PTPRN: variants seen among roughly 807,000 people sequenced by gnomAD.
The protein encoded by PTPRN is protein tyrosine phosphatase receptor type N.
Under a neutral mutation model 108.5 loss-of-function variants are expected in PTPRN, and 70 were observed. The ratio of observed to expected loss-of-function variants is 0.65; its 90% CI spans 0.53 to 0.79. The LOEUF (loss-of-function observed/expected upper bound fraction) is 0.79, where lower values mean the gene tolerates loss of function less well. Ranked by LOEUF, PTPRN falls within the 30% of genes least tolerant of loss-of-function variation. The pLI, the probability that PTPRN is intolerant of heterozygous loss-of-function variation, is 0.00. For missense variants in PTPRN, 1,136 were observed against 1,295.5 expected, an observed-to-expected ratio of 0.88 and a Z score of 1.89; for synonymous variants, 496 against 524.6, an observed-to-expected ratio of 0.95 and a Z score of 0.75.
In PTPRN at chr2:219,309,370, C is replaced by A; in HGVS notation, c.-38G>T. The stretch of plus-strand genomic sequence containing the variant: ...CGGGCGCTCGCTCCCGGGCCGGAGC[C>A]GCAGCGACGCTGGCGGGAGCCTGCC... On this transcript the variant is annotated 5_prime_UTR_variant, in exon 1 of 23. Transcript: ENST00000295718. The A allele has an allele frequency of 8.8e-7, 1 of 1,133,222 alleles. No individual in the cohort carries two copies. The highest frequency in any genetic ancestry group is 1.2e-6 in the Non-Finnish European group (1 of 842,378). 70.2% of individuals were successfully genotyped at this position (1,133,222 alleles called of 1,614,324 possible).
Position 219,290,312 on chromosome 2 carries a change from T to C in PTPRN, c.2869-15A>G. The C allele has an allele frequency of 1.2e-6, 2 of 1,605,654 alleles. No homozygotes were observed. The highest frequency in any genetic ancestry group is 1.4e-5 in the African/African-American group (1 of 73,374). On this transcript the variant is annotated splice_polypyrimidine_tract_variant and intron_variant, in intron 22 of 22. Coordinates refer to ENST00000295718, the MANE Select transcript of PTPRN (RefSeq NM_002846.4). The surrounding 1 kb of genome is among the most constrained non-coding windows in gnomAD (Gnocchi z 4.2). ...TCAAACTGGTCCTGAGGAAGGGCAG[T>C]GGTAGGATGGTCATGGAGAGGGCTG...
In PTPRN at chr2:219,290,233, G is replaced by A. The variant is rs375671075; in HGVS notation, c.2933C>T (p.Pro978Leu). ...CCAAGGGGCCCCAGGGTCTCACTGGGGCAGGGCCTTGAGGATGGCATTCAC... is the reference window on the plus strand; with the variant it reads ...CCAAGGGGCCCCAGGGTCTCACTGGAGCAGGGCCTTGAGGATGGCATTCAC... ...EEVNAILKAL[P>L]Q Residue 978 changes from proline to leucine, a missense_variant, in exon 23 of 23, where the codon CCC (proline) becomes CTC (leucine). Coordinates refer to ENST00000295718, the MANE Select transcript of PTPRN (RefSeq NM_002846.4). This position sits in a 1 kb window ranked among gnomAD's most constrained non-coding sequence, Gnocchi z 4.2. 3 of 1,613,912 alleles carry A rather than the reference G, an allele frequency of 1.9e-6. No individual in the cohort carries two copies. Among genetic ancestry groups the A allele is most frequent in the Non-Finnish European group, 2.5e-6 (3 of 1,179,914 alleles).
In PTPRN at chr2:219,296,678, C is replaced by T. The variant is rs755676008; in HGVS notation, c.2310+71G>A. ...GGGTTGGTGGGGTGGCAGGTGACCACGGGGAAATGGAGTGCATAGGGCCAG... is the reference window on the plus strand; with the variant it reads ...GGGTTGGTGGGGTGGCAGGTGACCATGGGGAAATGGAGTGCATAGGGCCAG... On this transcript the variant is annotated intron_variant, in intron 16 of 22. Coordinates refer to ENST00000295718, the MANE Select transcript of PTPRN (RefSeq NM_002846.4). The surrounding 1 kb of genome is among the most constrained non-coding windows in gnomAD (Gnocchi z 6.0). The T allele has an allele frequency of 9.4e-5, 150 of 1,587,926 alleles. No individual in the cohort carries two copies. Among genetic ancestry groups the T allele is most frequent in the Non-Finnish European group, 1.1e-4 (133 of 1,162,584 alleles).
At chr2:219,293,311 G>A (rs866024289) in intron 19 of PTPRN, among the ~76,000 whole-genome samples, 12 of 152,092 alleles carry the variant, frequency 7.9e-5, no homozygotes, top group African/African-American at 2.9e-4. Flanking sequence ...CTCCCGAGTA[G>A]CTGGGAGTAC....
At position 219,299,405 on chromosome 2, in the gene PTPRN, T is replaced by C. The variant is rs1229175003; in HGVS notation, c.1524-21A>G. 1.9e-6 allele frequency: 3 copies of C among 1,611,356 alleles called. No individual in the cohort carries two copies. The African/African-American group carries it at 4.0e-5, about 22-fold the overall frequency. Reference sequence around the variant, plus strand: ...CCACACTGCCAGATAGGAGCTATGTTACTGCCTTCTCCACCCCAGACCGCA... The same window carrying C: ...CCACACTGCCAGATAGGAGCTATGTCACTGCCTTCTCCACCCCAGACCGCA... On this transcript the variant is annotated intron_variant, in intron 10 of 22. Coordinates refer to ENST00000295718, the MANE Select transcript of PTPRN (RefSeq NM_002846.4).
chr2:219,290,737 C>G lies in PTPRN; in HGVS notation c.2794+89G>C. On this transcript the variant is annotated intron_variant, in intron 21 of 22. Coordinates refer to ENST00000295718, the MANE Select transcript of PTPRN (RefSeq NM_002846.4). The surrounding 1 kb of genome is among the most constrained non-coding windows in gnomAD (Gnocchi z 4.2). ...TGGGCAGAGCCTGGAGGTTGACAACCTGCTCCTTCTGAGCTCCCAGGACCC... is the reference window on the plus strand; with the variant it reads ...TGGGCAGAGCCTGGAGGTTGACAACGTGCTCCTTCTGAGCTCCCAGGACCC... 6.6e-7 allele frequency: 1 copy of G among 1,523,320 alleles called. No homozygotes were observed. Among genetic ancestry groups the G allele is most frequent in the Non-Finnish European group, 9.1e-7 (1 of 1,099,948 alleles). The allele number at this position is 1,523,320 out of a possible 1,614,324, so 94.4% of individuals were successfully genotyped here.
chr2:219,290,837 C>T lies in PTPRN; in HGVS notation c.2783G>A (p.Arg928His), dbSNP rs771845567. The T allele has an allele frequency of 9.3e-6, 15 of 1,613,906 alleles. No homozygotes were observed. The highest frequency in any genetic ancestry group is 4.4e-5 in the South Asian group (4 of 91,086). Residue 928 changes from arginine to histidine, a missense_variant, in exon 21 of 23, where the codon CGC becomes CAC. Arg to His is a conservative substitution (Grantham distance 29). Coordinates refer to ENST00000295718, the MANE Select transcript of PTPRN (RefSeq NM_002846.4). The surrounding 1 kb of genome is among the most constrained non-coding windows in gnomAD (Gnocchi z 4.2). ...GGGAAGCTCCCTACCTTTTGCCATG[C>T]GGTTCAGGACCATGTCGATGAGGAT... ...TYILIDMVLNRMAKGVKEIDI... is the reference protein window; with the variant it reads ...TYILIDMVLNHMAKGVKEIDI...
At position 219,302,481 on chromosome 2, in the gene PTPRN, C is replaced by T. The variant is rs149510025; in HGVS notation, c.650G>A (p.Arg217His). The change falls in exon 6 of 23, where the codon CGT becomes CAT. Residue 217 changes from arginine to histidine, a missense_variant. Transcript: ENST00000295718. ...GCCCTCTGAGACCCTGGAGCCATCA[C>T]GGGAGCCAAACTGTGGAAAACCAGA... is the stretch of plus-strand genomic sequence containing the variant. ...QPYLFHQFGS[R>H]DGSRVSEGSP... 4.5e-5 allele frequency: 73 copies of T among 1,613,690 alleles called. No homozygotes were observed. The East Asian group carries it at 7.8e-4, about 17-fold the overall frequency.
intron 3 of PTPRN, chr2:219,304,108 A>C: frequency 3.5e-6 from 1 of 283,854 alleles, no homozygotes. Flanking sequence ...TCCCTCATCA[A>C]TAAAATGGGG....
chr2:219,309,192 C>A (rs1952564131), intron 1 of PTPRN, 26 bp downstream of exon 1: 1 of 1,446,310 alleles, frequency 6.9e-7, no homozygotes, highest in African/African-American at 1.4e-5. Context: ...CCCCCCACCA[C>A]CCGCCAGCCC....
At chr2:219,303,048 T>C (rs1952397561) in intron 4 of PTPRN, among the ~76,000 whole-genome samples, 1 of 152,202 alleles carries the variant, frequency 6.6e-6, no homozygotes, top group South Asian at 2.1e-4. Flanking sequence ...TCTGCCTCCC[T>C]GGTGAGCATG....
In PTPRN at chr2:219,309,322, G is replaced by A; in HGVS notation, c.11C>T (p.Pro4Leu). MRRPRRPGGLGGSG... is the reference protein window; with the variant it reads MRRLRRPGGLGGSG... ...TCCCCCGAGACCCCCAGGCCGCCGC[G>A]GGCGCCGCATCTTTCCGAGCTCCGG... Residue 4 changes from proline (P) to leucine (L), a missense_variant, in exon 1 of 23, where the codon CCG becomes CTG. Pro to Leu is a moderately conservative substitution (Grantham distance 98, BLOSUM62 -3). Coordinates refer to ENST00000295718, the MANE Select transcript of PTPRN (RefSeq NM_002846.4). 6 of 1,473,218 alleles carry A rather than the reference G, an allele frequency of 4.1e-6. No homozygotes were observed. Among genetic ancestry groups the A allele is most frequent in the Non-Finnish European group, 3.6e-6 (4 of 1,113,238 alleles). 91.3% of individuals were successfully genotyped at this position (1,473,218 alleles called of 1,614,324 possible).
chr2:219,295,313 T>C, intron 18 of PTPRN, 172 bp from the exon 19 acceptor site: 4 of 632,584 alleles, frequency 6.3e-6, no homozygotes, highest in Non-Finnish European at 1.1e-5. Context: ...ACTTATCTAC[T>C]GCTCAGGACC....
chr2:219,309,322 G>C lies in PTPRN; in HGVS notation c.11C>G (p.Pro4Arg). 4 of 1,473,220 alleles carry C rather than the reference G, an allele frequency of 2.7e-6. No homozygotes were observed. The highest frequency in any genetic ancestry group is 2.3e-4 in the Middle Eastern group (1 of 4,416). The allele number at this position is 1,473,220 out of a possible 1,614,324, so 91.3% of individuals were successfully genotyped here. A position where few individuals can be genotyped will look rare whatever the true frequency, so the allele number is the denominator to read the frequency against. Residue 4 changes from proline to arginine, a missense_variant, in exon 1 of 23, where the codon CCG becomes CGG. Coordinates refer to ENST00000295718, the MANE Select transcript of PTPRN (RefSeq NM_002846.4). MRR[P>R]RRPGGLGGSG... ...TCCCCCGAGACCCCCAGGCCGCCGC[G>C]GGCGCCGCATCTTTCCGAGCTCCGG...
chr2:219,291,407 C>G, intron 20 of PTPRN, 63 bp downstream of exon 20: 6 of 1,552,630 alleles, frequency 3.9e-6, no homozygotes, highest in Non-Finnish European at 5.3e-6. Context: ...GACAGGCAGG[C>G]AATGTGCACA....
At position 219,290,969 on chromosome 2, in the gene PTPRN, A is replaced by G; in HGVS notation, c.2730-79T>C. 1.4e-6 allele frequency: 2 copies of G among 1,419,368 alleles called. No homozygotes were observed. The highest frequency in any genetic ancestry group is 2.0e-6 in the Non-Finnish European group (2 of 1,004,354). 87.9% of individuals were successfully genotyped at this position (1,419,368 alleles called of 1,614,324 possible). A position where few individuals can be genotyped will look rare whatever the true frequency, so the allele number is the denominator to read the frequency against. On this transcript the variant is annotated intron_variant, in intron 20 of 22. Coordinates refer to ENST00000295718, the MANE Select transcript of PTPRN (RefSeq NM_002846.4). The surrounding 1 kb of genome is among the most constrained non-coding windows in gnomAD (Gnocchi z 4.2). The stretch of plus-strand genomic sequence containing the variant: ...GGACGGAGGAGGCGAGGAGGCCTGG[A>G]GGCCTGGGGGAGGGGAGGACACTGG...
chr2:219,295,015 C>T lies in PTPRN; in HGVS notation c.2635G>A (p.Gly879Ser), dbSNP rs548633041. The T allele has an allele frequency of 2.1e-5, 33 of 1,609,560 alleles. No individual in the cohort carries two copies. The South Asian group carries it at 3.3e-4, about 16-fold the overall frequency. ...QFHFLSWPAE[G>S]TPASTRPLLD... ...AGGGGCCGCGTGGAGGCCGGTGTGC[C>T]CTCTGCCGGCCAGCTGAGGAAGTGG... The change falls in exon 19 of 23, where the codon GGC becomes AGC. Residue 879 changes from glycine to serine, a missense_variant. Gly to Ser is a moderately conservative substitution (Grantham distance 56). Coordinates refer to ENST00000295718, the MANE Select transcript of PTPRN (RefSeq NM_002846.4).
intron 19 of PTPRN, chr2:219,291,807 G>A (rs1410245460): frequency 5.8e-6 from 3 of 519,846 alleles, no homozygotes; most frequent in Non-Finnish European, 1.0e-5. Context: ...GTAAAATGGA[G>A]GATAGTAAGA....
chr2:219,296,271 G>A lies in PTPRN; in HGVS notation c.2463C>T (p.Asp821=). 1 of 1,614,076 alleles carries A rather than the reference G, an allele frequency of 6.2e-7. No homozygotes were observed. The highest frequency in any genetic ancestry group is 8.5e-7 in the Non-Finnish European group (1 of 1,180,010). ...AGGCACCCTCATCTGGCCAGTAGCG[G>A]TCACACTGCTTGACACCATCCTCCA... ...PLVEDGVKQC[D]RYWPDEGASL... Residue 821 remains aspartate, a synonymous_variant, in exon 18 of 23, where the codon GAC becomes GAT. Transcript: ENST00000295718. This position sits in a 1 kb window ranked among gnomAD's most constrained non-coding sequence, Gnocchi z 6.0.
Sources: allele counts gnomAD v4.1 joint callset (sites outside exome capture counted in the v4.1 genomes callset), GRCh38; gene constraint gnomAD v4.1.1; non-coding constraint Gnocchi (gnomAD v3.1); transcripts MANE v1.5; gene names NCBI Gene and HGNC (gene_info 2026-07-23, HGNC 2026-07-21).